Variants in AHCTF1 observed in about 807,000 individuals in gnomAD.
The protein encoded by AHCTF1 is AT-hook containing transcription factor 1.
In AHCTF1, 24 loss-of-function variants were observed where a neutral mutation model predicts 248.4. The observed-to-expected ratio is 0.10, with a 90% CI of 0.07 to 0.14. The LOEUF is 0.14. Ranked by LOEUF, AHCTF1 falls within the 10% of genes least tolerant of loss-of-function variation. The probability of loss-of-function intolerance (pLI) is 1.00; values close to 1 mark genes in which losing one functional copy is unlikely to be tolerated. For missense variants in AHCTF1, 2,206 were observed against 2,636.2 expected (o/e 0.84, Z 3.57); for synonymous variants, 786 against 929.8 (o/e 0.85, Z 2.81).
In AHCTF1 at chr1:246,931,478, C is replaced by CCCGCCGCCGCCGCCGCCGCCGCCGCCG. The variant is rs754285823; in HGVS notation, c.-8+73_-8+99dup. 24 of 528,142 alleles carry CCCGCCGCCGCCGCCGCCGCCGCCGCCG rather than the reference C, an allele frequency of 4.5e-5. No individual in the cohort carries two copies. In the African/African-American group the frequency reaches 5.1e-4, roughly 11 times the overall value. 32.7% of individuals were successfully genotyped at this position (528,142 alleles called of 1,614,324 possible). ...GGCCCGGCGCTCGCGGGGCAGAAGC[C>CCCGCCGCCGCCGCCGCCGCCGCCGCCG]CCGCCGCCGCCGCCGCCGCCGCCGC... is the stretch of plus-strand genomic sequence containing the variant. On this transcript the variant is annotated intron_variant, in intron 1 of 35. Transcript: ENST00000648844.
chr1:246,899,837 T>A (rs1209820008), intron 10 of AHCTF1, among the ~76,000 whole-genome samples: 1 of 151,628 alleles, frequency 6.6e-6, no homozygotes, highest in Non-Finnish European at 1.5e-5. Flanking sequence ...AAGTCATAAT[T>A]CCTTTATAAA....
intron 8 of AHCTF1, 133 bp from the exon 9 acceptor site, chr1:246,900,602 T>G (rs1471221439): frequency 1.0e-6 from 1 of 963,286 alleles, no homozygotes; most frequent in East Asian, 2.8e-5. Flanking sequence ...TCAAAACGCA[T>G]TTCTATCATT....
At chr1:246,907,523 T>G in intron 5 of AHCTF1, 28 bp downstream of exon 5, 1 of 1,597,126 alleles carries the variant, frequency 6.3e-7, no homozygotes, top group South Asian at 1.1e-5. Flanking sequence ...CTACCTATAA[T>G]CAAATAAGGG....
chr1:246,857,939 G>T, intron 29 of AHCTF1, 125 bp from the exon 30 acceptor site: 10 of 753,730 alleles, frequency 1.3e-5, no homozygotes, highest in Non-Finnish European at 2.1e-5. Flanking sequence ...TTGCTGCTGT[G>T]TTATCAGACT....
chr1:246,855,455 CAAG>C (rs1171129960), intron 31 of AHCTF1, among the ~76,000 whole-genome samples: 1 of 152,070 alleles, frequency 6.6e-6, no homozygotes, highest in Admixed American at 6.5e-5. Context: ...CTTCTGAGTC[CAAG>C]AAGATCAAAC....
chr1:246,853,970 A>T (rs963682694), intron 31 of AHCTF1, among the ~76,000 whole-genome samples: 3 of 152,198 alleles, frequency 2.0e-5, no homozygotes, highest in African/African-American at 4.8e-5. Flanking sequence ...AATACATAAA[A>T]GTAGTATACA....
intron 1 of AHCTF1, 94 bp downstream of exon 1, chr1:246,931,478 CCCGCCG>C (rs754285823): frequency 0.23 from 124,287 of 532,134 alleles, 21,534 homozygotes; most frequent in African/African-American, 0.48. Flanking sequence ...GGGCAGAAGC[CCCGCCG>C]CCGCCGCCGC....
chr1:246,878,378 C>CA (rs1162023673), intron 21 of AHCTF1, among the ~76,000 whole-genome samples: 2 of 89,596 alleles, frequency 2.2e-5, no homozygotes, highest in African/African-American at 9.1e-5. Flanking sequence ...GCCTGGCAGA[C>CA]AGAGCAAGAT....
chr1:246,857,592 T>G (rs1661196239), intron 30 of AHCTF1, 99 bp downstream of exon 30: 1 of 1,282,988 alleles, frequency 7.8e-7, no homozygotes, highest in Non-Finnish European at 1.1e-6. Flanking sequence ...ATGTTAAAGA[T>G]CTAAGTGAAA....
chr1:246,887,938 T>C (rs1663942695), intron 19 of AHCTF1, among the ~76,000 whole-genome samples: 1 of 152,198 alleles, frequency 6.6e-6, no homozygotes, highest in African/African-American at 2.4e-5. Context: ...CATTTAAGTG[T>C]CTGATAAAAG....
chr1:246,931,362 G>C (rs1667346163), intron 1 of AHCTF1: 2 of 1,529,248 alleles, frequency 1.3e-6, no homozygotes, highest in East Asian at 4.9e-5. Context: ...ATTATGTAAC[G>C]AAGCCCGGCG....
intron 17 of AHCTF1, 67 bp downstream of exon 17, chr1:246,889,899 C>T (rs923894472): frequency 6.8e-6 from 8 of 1,182,386 alleles, no homozygotes; most frequent in East Asian, 2.4e-5. Flanking sequence ...CTTTGTAAAA[C>T]GATGAACACT....
At chr1:246,919,124 T>C (rs981831941) in intron 1 of AHCTF1, among the ~76,000 whole-genome samples, 2 of 152,200 alleles carry the variant, frequency 1.3e-5, no homozygotes, top group South Asian at 2.1e-4. Context: ...ATTTTAGCCA[T>C]CTGAGTTGGT....
chr1:246,850,038 C>A lies in AHCTF1; in HGVS notation c.5968G>T (p.Ala1990Ser), dbSNP rs142571678. 6 of 1,613,852 alleles carry A rather than the reference C, an allele frequency of 3.7e-6. No homozygotes were observed. The African/African-American group carries it at 5.3e-5, about 14-fold the overall frequency. ...TTGGGGCTTCTCTCTTCCTTAACAG[C>A]CTTAGATCCTACATCTTCAGATGGA... is the stretch of plus-strand genomic sequence containing the variant. ...INPSEDVGSKAVKEERSPKKK... is the reference protein window; with the variant it reads ...INPSEDVGSKSVKEERSPKKK... Residue 1990 changes from alanine to serine, a missense_variant, in exon 33 of 36, where the codon GCT becomes TCT. Around this residue, in one of 6 missense-constraint regions of AHCTF1, gnomAD observed 469 missense variants for 470.0 expected, o/e 1.00. Coordinates refer to ENST00000648844, the MANE Select transcript of AHCTF1 (RefSeq NM_001323342.2).
chr1:246,842,729 T>A lies in AHCTF1; in HGVS notation c.6573A>T (p.Lys2191Asn). 12 of 1,613,830 alleles carry A rather than the reference T, an allele frequency of 7.4e-6. No individual in the cohort carries two copies. The highest frequency in any genetic ancestry group is 1.0e-5 in the Non-Finnish European group (12 of 1,180,018). The change falls in exon 35 of 36, where the codon AAA becomes AAT. Residue 2191 changes from lysine to asparagine, a missense_variant. By Grantham distance (94) the Lys-to-Asn change is moderately conservative. Coordinates refer to ENST00000648844, the MANE Select transcript of AHCTF1 (RefSeq NM_001323342.2). Reference protein sequence around the residue: ...SVETLGKPKAKRIRTSKTKQA... With the variant: ...SVETLGKPKANRIRTSKTKQA... The stretch of plus-strand genomic sequence containing the variant: ...GTTTTGTTTTTGACGTCCTGATTCG[T>A]TTCGCTTTTGGCTTTCCCAGAGTTT...
At chr1:246,887,403 C>T in intron 19 of AHCTF1, 46 bp from the exon 20 acceptor site, 1 of 1,546,898 alleles carries the variant, frequency 6.5e-7, no homozygotes, top group Non-Finnish European at 8.8e-7. Context: ...CAACAAAAAC[C>T]TCCTACGTAT....
At chr1:246,898,679 G>A (rs1229910938) in intron 11 of AHCTF1, among the ~76,000 whole-genome samples, 1 of 149,852 alleles carries the variant, frequency 6.7e-6, no homozygotes, top group African/African-American at 2.5e-5. Context: ...AACTCCTGCA[G>A]TCTACTCCTC....
At position 246,840,780 on chromosome 1, in the gene AHCTF1, G is replaced by A. The variant is rs768493056; in HGVS notation, c.*26C>T. The A allele has an allele frequency of 2.6e-6, 4 of 1,552,754 alleles. No individual in the cohort carries two copies. The highest frequency in any genetic ancestry group is 3.5e-6 in the Non-Finnish European group (4 of 1,139,746). On this transcript the variant is annotated 3_prime_UTR_variant, in exon 36 of 36. Transcript: ENST00000648844. ...ACTATTCTGATGACTTTACAAATAG[G>A]TGTACATTAAAATCTTCCCAAGAAA...
chr1:246,877,920 TTTA>T (rs1663094558), intron 21 of AHCTF1, among the ~76,000 whole-genome samples: 1 of 152,004 alleles, frequency 6.6e-6, no homozygotes, highest in South Asian at 2.1e-4. Context: ...CTGTTATTTA[TTTA>T]TTTTTATTTT....
Sources: allele counts gnomAD v4.1 joint callset (sites outside exome capture counted in the v4.1 genomes callset), GRCh38; gene constraint gnomAD v4.1.1; regional missense constraint gnomAD v4.1.1; transcripts MANE v1.5; gene names NCBI Gene and HGNC (gene_info 2026-07-23, HGNC 2026-07-21).